The following NACC1 variants were observed in gnomAD, a reference collection of about 807,000 sequenced individuals.
The protein encoded by NACC1 is nucleus accumbens-associated protein 1.
NACC1 carries 6 observed loss-of-function variants against 41.7 expected under a neutral mutation model. The observed-to-expected ratio is 0.14, with a 90% CI of 0.08 to 0.28. NACC1 has a LOEUF of 0.28. NACC1 is among the 10% of genes least tolerant of loss of function. The probability of loss-of-function intolerance (pLI) is 1.00; values close to 1 mark genes in which losing one functional copy is unlikely to be tolerated. For missense variants in NACC1, 434 were observed against 763.7 expected (o/e 0.57, Z 5.09); for synonymous variants, 338 against 330.6 (o/e 1.02, Z -0.24).
chr19:13,122,543 G>C (rs957455081), intron 1 of NACC1, among the ~76,000 whole-genome samples: 1 of 146,806 alleles, frequency 6.8e-6, no homozygotes, highest in Admixed American at 6.9e-5. Context: ...GGGGTGTGCT[G>C]CTGGCATCTA....
Position 13,136,375 on chromosome 19 carries a change from G to A in NACC1, c.1090G>A (p.Asp364Asn), listed in dbSNP as rs2019707211. 3.1e-6 allele frequency: 5 copies of A among 1,613,734 alleles called. No homozygotes were observed. Among genetic ancestry groups the A allele is most frequent in the Non-Finnish European group, 3.4e-6 (4 of 1,179,908 alleles). ...CCACCCCAAGCTCTACGACGAGGGC[G>A]ACCCCTCTGAGAAGCTGGAGCTGGT... ...RCHPKLYDEG[D>N]PSEKLELVTG... Residue 364 changes from aspartate to asparagine, a missense_variant, in exon 3 of 6, where the codon GAC becomes AAC. Coordinates refer to ENST00000292431, the MANE Select transcript of NACC1 (RefSeq NM_052876.4). The surrounding 1 kb of genome is among the most constrained non-coding windows in gnomAD (Gnocchi z 5.5).
At chr19:13,127,902 T>C (rs2019585931) in intron 1 of NACC1, among the ~76,000 whole-genome samples, 1 of 152,030 alleles carries the variant, frequency 6.6e-6, no homozygotes, top group Non-Finnish European at 1.5e-5. Context: ...TATGAAGAGC[T>C]ATGGCTGTCC....
At chr19:13,119,177 A>G (rs1205307892) in intron 1 of NACC1, among the ~76,000 whole-genome samples, 2 of 144,080 alleles carry the variant, frequency 1.4e-5, no homozygotes, top group Admixed American at 6.9e-5. Context: ...GCTAGGGGGG[A>G]TGTGGGGGCA....
chr19:13,136,081 G>A lies in NACC1; in HGVS notation c.874G>A (p.Gly292Ser). 3.7e-6 allele frequency: 6 copies of A among 1,614,076 alleles called. No homozygotes were observed. The highest frequency in any genetic ancestry group is 5.1e-6 in the Non-Finnish European group (6 of 1,180,018). The change falls in exon 2 of 6, where the codon GGC becomes AGC. Residue 292 changes from glycine (G) to serine (S), a missense_variant. Physicochemically the swap from Gly to Ser is moderately conservative, Grantham distance 56. This residue lies in a region of NACC1 where 234 missense variants were observed against 308.3 expected (regional missense o/e 0.76). Coordinates refer to ENST00000292431, the MANE Select transcript of NACC1 (RefSeq NM_052876.4). This position sits in a 1 kb window ranked among gnomAD's most constrained non-coding sequence, Gnocchi z 5.5. The stretch of plus-strand genomic sequence containing the variant: ...CGAGGAGGAGGATGGTGGCGAGGAG[G>A]GCATGGATGAGCAGTACCGGCAGAT... Reference protein sequence around the residue: ...EDEEEDGGEEGMDEQYRQICN... With the variant: ...EDEEEDGGEESMDEQYRQICN...
intron 1 of NACC1, among the ~76,000 whole-genome samples, chr19:13,133,072 G>A (rs1329170889): frequency 6.6e-6 from 1 of 152,212 alleles, no homozygotes; most frequent in African/African-American, 2.4e-5. Context: ...TCTGAGTGGA[G>A]TTGCTAATGA....
At chr19:13,127,630 C>T (rs2019582310) in intron 1 of NACC1, among the ~76,000 whole-genome samples, 2 of 149,974 alleles carry the variant, frequency 1.3e-5, no homozygotes, top group Admixed American at 1.3e-4. Context: ...TGCAGTGAGC[C>T]GAGATCCCAC....
intron 1 of NACC1, among the ~76,000 whole-genome samples, chr19:13,122,531 G>A (rs897363949): frequency 6.6e-6 from 1 of 150,902 alleles, no homozygotes; most frequent in Non-Finnish European, 1.5e-5. Flanking sequence ...GCCGGGGGGG[G>A]GGGGGTGTGC....
intron 1 of NACC1, among the ~76,000 whole-genome samples, chr19:13,120,882 A>G (rs1301043743): frequency 6.6e-6 from 1 of 152,236 alleles, no homozygotes; most frequent in East Asian, 1.9e-4. Context: ...AGAACTTAGC[A>G]TGCACAGACT....
chr19:13,118,872 G>A (rs921530188), intron 1 of NACC1, among the ~76,000 whole-genome samples: 1 of 149,206 alleles, frequency 6.7e-6, no homozygotes, highest in East Asian at 2.0e-4. Flanking sequence ...GCGGCCGGAG[G>A]GGGGCGGGGA....
intron 1 of NACC1, among the ~76,000 whole-genome samples, chr19:13,127,155 A>G (rs1013743430): frequency 2.6e-5 from 4 of 151,582 alleles, no homozygotes; most frequent in African/African-American, 9.7e-5. Flanking sequence ...GGAACTCCCA[A>G]GAAGGATAAG....
chr19:13,127,449 C>T (rs186632387), intron 1 of NACC1, among the ~76,000 whole-genome samples: 2 of 132,094 alleles, frequency 1.5e-5, no homozygotes, highest in Middle Eastern at 5.3e-3. Context: ...GTAATCCCAG[C>T]ACTTTGGGAG....
intron 1 of NACC1, among the ~76,000 whole-genome samples, chr19:13,120,039 C>G (rs765879119): frequency 3.3e-5 from 5 of 152,204 alleles, no homozygotes; most frequent in Non-Finnish European, 7.4e-5. Context: ...GCTCCTCGTT[C>G]TGGATTCCCT....
At chr19:13,126,483 C>T (rs781276989) in intron 1 of NACC1, among the ~76,000 whole-genome samples, 11 of 152,194 alleles carry the variant, frequency 7.2e-5, no homozygotes, top group Non-Finnish European at 1.2e-4. Flanking sequence ...CAGGAAAGGA[C>T]TGTGCCTTTG....
At chr19:13,129,596 G>A (rs928613552) in intron 1 of NACC1, among the ~76,000 whole-genome samples, 1 of 152,160 alleles carries the variant, frequency 6.6e-6, no homozygotes, top group African/African-American at 2.4e-5. Context: ...CAGACCCGTC[G>A]CCCCACTCCG....
Position 13,138,711 on chromosome 19 carries a change from A to AG in NACC1, c.*310dup, listed in dbSNP as rs1365748818. On this transcript the variant is annotated 3_prime_UTR_variant, in exon 6 of 6. Transcript: ENST00000292431. The surrounding 1 kb of genome is among the most constrained non-coding windows in gnomAD (Gnocchi z 5.7). ...CCACACTCACCAGGCCCACCAGGGG[A>AG]GGGGGCTGGCCTGGGGGTCTTGGGA... 1 of 411,970 alleles carries AG rather than the reference A, an allele frequency of 2.4e-6. No homozygotes were observed. Among genetic ancestry groups the AG allele is most frequent in the Non-Finnish European group, 4.5e-6 (1 of 221,320 alleles). 25.5% of individuals were successfully genotyped at this position (411,970 alleles called of 1,614,324 possible). A position where few individuals can be genotyped will look rare whatever the true frequency, so the allele number is the denominator to read the frequency against.
At chr19:13,126,983 C>T (rs538274837) in intron 1 of NACC1, among the ~76,000 whole-genome samples, 1 of 152,148 alleles carries the variant, frequency 6.6e-6, no homozygotes, top group African/African-American at 2.4e-5. Context: ...ACCTGTAGTC[C>T]GAGCACTTTG....
At chr19:13,130,493 C>A (rs919817322) in intron 1 of NACC1, among the ~76,000 whole-genome samples, 2 of 151,838 alleles carry the variant, frequency 1.3e-5, no homozygotes, top group Non-Finnish European at 2.9e-5. Flanking sequence ...GCTGACAGTG[C>A]CCTTGGAGGG....
Position 13,137,222 on chromosome 19 carries a change from G to T in NACC1, c.1121-49G>T. On this transcript the variant is annotated intron_variant, in intron 3 of 5. Transcript: ENST00000292431. The surrounding 1 kb of genome is among the most constrained non-coding windows in gnomAD (Gnocchi z 6.1). ...GATGAGGCCTGGTATCATGGGGGCTGTGGCGGTTTGGGGGCACCCCAGGCC... is the reference window on the plus strand; with the variant it reads ...GATGAGGCCTGGTATCATGGGGGCTTTGGCGGTTTGGGGGCACCCCAGGCC... The T allele has an allele frequency of 6.4e-7, 1 of 1,570,016 alleles. No individual in the cohort carries two copies. The highest frequency in any genetic ancestry group is 8.8e-7 in the Non-Finnish European group (1 of 1,142,118).
At chr19:13,132,105 C>T (rs2019639977) in intron 1 of NACC1, among the ~76,000 whole-genome samples, 2 of 151,728 alleles carry the variant, frequency 1.3e-5, no homozygotes, top group South Asian at 4.1e-4. Context: ...AGGTGATCCA[C>T]CTGACTCGGC....
Sources: gnomAD v4.1 joint callset for allele counts (sites outside exome capture counted in the v4.1 genomes callset) on GRCh38, gnomAD v4.1.1 for gene constraint, gnomAD v4.1.1 regional missense constraint, Gnocchi (gnomAD v3.1) non-coding constraint, MANE v1.5 for transcripts, NCBI Gene and HGNC (gene_info 2026-07-23, HGNC 2026-07-21) for gene names.